The following ASCC3 variants were observed in gnomAD, a reference collection of about 807,000 sequenced individuals.
ASCC3 encodes activating signal cointegrator 1 complex subunit 3, also known as ASC-1 complex subunit P200.
In ASCC3, 158 loss-of-function variants were observed where a neutral mutation model predicts 256.3. The observed-to-expected ratio is 0.62, with a 90% CI of 0.54 to 0.70. ASCC3 has a LOEUF of 0.70. Ranked by LOEUF, ASCC3 falls within the 30% of genes least tolerant of loss-of-function variation. The pLI is 0.00. For synonymous variants in ASCC3, 948 were observed against 883.4 expected, an observed-to-expected ratio of 1.07 and a Z score of -1.30; for missense variants, 2,259 against 2,626.0, an observed-to-expected ratio of 0.86 and a Z score of 3.05.
intron 13 of ASCC3, among the ~76,000 whole-genome samples, chr6:100,682,755 G>A (rs1165987826): frequency 2.0e-5 from 3 of 152,168 alleles, no homozygotes; most frequent in Admixed American, 2.0e-4. Flanking sequence ...GATTAAAGTT[G>A]CATAAAGGAG....
chr6:100,608,018 A>C (rs1772993336), intron 30 of ASCC3, among the ~76,000 whole-genome samples: 1 of 140,356 alleles, frequency 7.1e-6, no homozygotes, highest in Non-Finnish European at 1.5e-5. Flanking sequence ...TGCTAGAAAT[A>C]TGTATATATA....
chr6:100,580,973 G>C (rs565884613), intron 36 of ASCC3, among the ~76,000 whole-genome samples: 1,899 of 152,088 alleles, frequency 0.012, 44 homozygotes, highest in African/African-American at 0.045. Flanking sequence ...TCTTAATCCA[G>C]TCTATCATTG....
At chr6:100,605,264 G>A (rs1160200844) in intron 33 of ASCC3, among the ~76,000 whole-genome samples, 3 of 152,134 alleles carry the variant, frequency 2.0e-5, no homozygotes, top group Non-Finnish European at 4.4e-5. Flanking sequence ...ATAAGGCAAT[G>A]AGGTGTTAAG....
intron 30 of ASCC3, among the ~76,000 whole-genome samples, chr6:100,616,377 C>T (rs1232856353): frequency 6.6e-6 from 1 of 152,180 alleles, no homozygotes; most frequent in South Asian, 2.1e-4. Flanking sequence ...TGAAAGTATT[C>T]TTCCTATGCA....
chr6:100,728,617 T>C (rs1490485545), intron 10 of ASCC3, among the ~76,000 whole-genome samples: 1 of 151,950 alleles, frequency 6.6e-6, no homozygotes, highest in African/African-American at 2.4e-5. Context: ...AACAATAACA[T>C]GGATAAATAA....
chr6:100,807,554 G>T (rs1770251917), intron 4 of ASCC3, among the ~76,000 whole-genome samples: 1 of 151,834 alleles, frequency 6.6e-6, no homozygotes, highest in Non-Finnish European at 1.5e-5. Context: ...GGTGACATTT[G>T]TACTGATGGT....
rs927041565 is a variant in ASCC3, at chr6:100,800,247, T to C, written c.1127+53A>G. 2.6e-6 allele frequency: 4 copies of C among 1,561,910 alleles called. No homozygotes were observed. In the African/African-American group the frequency reaches 4.1e-5, roughly 16 times the overall value. ...ACTAAACTAAAAAGTGATAATGATA[T>C]GTAAAAGCAGCAATTACAACACAAG... is the stretch of plus-strand genomic sequence containing the variant. On this transcript the variant is annotated intron_variant, in intron 6 of 41. Coordinates refer to ENST00000369162, the MANE Select transcript of ASCC3 (RefSeq NM_006828.4).
chr6:100,578,238 C>T (rs566937748), intron 36 of ASCC3, among the ~76,000 whole-genome samples: 7 of 152,124 alleles, frequency 4.6e-5, no homozygotes, highest in African/African-American at 1.7e-4. Context: ...CCAATTCTGA[C>T]AATCTTCTGC....
In ASCC3 at chr6:100,744,343, G is replaced by A. The variant is rs1383822076; in HGVS notation, c.1738-18640C>T. ...TATAGGTAGGTTATAAAACTGAACT[G>A]TATTTTCCAGAGCAAAGTACAATCA... On this transcript the variant is annotated intron_variant, in intron 10 of 41. Transcript: ENST00000369162. Among the ~76,000 whole-genome samples, 5 of 152,230 alleles carry A rather than the reference G, an allele frequency of 3.3e-5. No individual in the cohort carries two copies. In the East Asian group the frequency reaches 9.6e-4, roughly 29 times the overall value.
In ASCC3 at chr6:100,627,974, G is replaced by A; in HGVS notation, c.4389C>T (p.Gly1463=). ...GAGATACAATGACCTCTAGAACAGG[G>A]CCTCTTTCCTCCCCTAGAAAATAGG... ...DEIHLLGEER[G]PVLEVIVSRT... Residue 1463 remains glycine, a synonymous_variant, in exon 28 of 42, where the codon GGC becomes GGT. Transcript: ENST00000369162. 1 of 1,613,158 alleles carries A rather than the reference G, an allele frequency of 6.2e-7. No individual in the cohort carries two copies. The highest frequency in any genetic ancestry group is 8.5e-7 in the Non-Finnish European group (1 of 1,179,694).
intron 36 of ASCC3, among the ~76,000 whole-genome samples, chr6:100,569,380 TTTATTA>T (rs1770462896): frequency 6.6e-6 from 1 of 152,028 alleles, no homozygotes; most frequent in African/African-American, 2.4e-5. Flanking sequence ...CCTTTTTTTA[TTTATTA>T]TTGTTATTTT....
At chr6:100,535,867 T>A (rs570344009) in intron 37 of ASCC3, among the ~76,000 whole-genome samples, 11 of 152,304 alleles carry the variant, frequency 7.2e-5, no homozygotes, top group African/African-American at 2.6e-4. Flanking sequence ...GCTTATAACT[T>A]AAAATCGAGG....
intron 30 of ASCC3, among the ~76,000 whole-genome samples, chr6:100,611,362 T>A (rs1045586867): frequency 1.3e-5 from 2 of 152,096 alleles, no homozygotes; most frequent in African/African-American, 4.8e-5. Context: ...GGACGGCCTA[T>A]ACAAATTTGA....
At chr6:100,598,711 T>C (rs567701058) in intron 34 of ASCC3, among the ~76,000 whole-genome samples, 7 of 152,276 alleles carry the variant, frequency 4.6e-5, no homozygotes, top group East Asian at 1.9e-4. Context: ...CTCACTCTTA[T>C]GGTTGAAAAA....
chr6:100,650,426 T>C, intron 20 of ASCC3, 112 bp downstream of exon 20: 4 of 1,044,290 alleles, frequency 3.8e-6, no homozygotes, highest in Non-Finnish European at 4.4e-6. Flanking sequence ...AGTAAAATGG[T>C]GGTTTGGTAG....
At chr6:100,582,982 A>G (rs1165364979) in intron 36 of ASCC3, among the ~76,000 whole-genome samples, 1 of 152,154 alleles carries the variant, frequency 6.6e-6, no homozygotes, top group Non-Finnish European at 1.5e-5. Context: ...TGCTGGATTC[A>G]GTGTGCCAGT....
chr6:100,719,369 T>C (rs1422005156), intron 11 of ASCC3, among the ~76,000 whole-genome samples: 1 of 152,002 alleles, frequency 6.6e-6, no homozygotes. Context: ...ATACAGTAAT[T>C]AGAACGATTA....
Position 100,509,518 on chromosome 6 carries a change from T to TGATATACTAA in ASCC3, c.6476_6477insTTAGTATATC (p.Leu2159PhefsTer2). On this transcript the variant is annotated stop_gained and frameshift_variant, in exon 42 of 42. Coordinates refer to ENST00000369162, the MANE Select transcript of ASCC3 (RefSeq NM_006828.4). LOFTEE classifies it high-confidence loss of function. ...CAAGGTAGCAGTCACTCATGAAATA[T>TGATATACTAA]AATGTGTAGATATACCTAAAATATA... 6.2e-7 allele frequency: 1 copy of TGATATACTAA among 1,612,948 alleles called. No homozygotes were observed. The highest frequency in any genetic ancestry group is 8.5e-7 in the Non-Finnish European group (1 of 1,178,910).
At chr6:100,879,673 A>AT (rs888485310) in intron 1 of ASCC3, among the ~76,000 whole-genome samples, 13 of 151,714 alleles carry the variant, frequency 8.6e-5, no homozygotes, top group South Asian at 2.1e-4. Flanking sequence ...TTATTTATTT[A>AT]TTTTTTTTGA....
Sources: gnomAD v4.1 joint callset for allele counts (sites outside exome capture counted in the v4.1 genomes callset) on GRCh38, gnomAD v4.1.1 for gene constraint, MANE v1.5 for transcripts, NCBI Gene and HGNC (gene_info 2026-07-23, HGNC 2026-07-21) for gene names.